The following ZSCAN32 variants were observed in gnomAD, a reference collection of about 807,000 sequenced individuals.
ZSCAN32 encodes the protein zinc finger and SCAN domain containing 32, also known as zinc finger and SCAN domain-containing protein 32.
Under a neutral mutation model 47.4 loss-of-function variants are expected in ZSCAN32, and 52 were observed. The observed-to-expected ratio is 1.10, with a 90% CI of 0.88 to 1.38. The LOEUF (loss-of-function observed/expected upper bound fraction) is 1.38, where lower values mean the gene tolerates loss of function less well. Among genes scored for constraint, ZSCAN32 ranks in the 40% most tolerant of loss-of-function variants. The pLI is 0.00. For synonymous variants in ZSCAN32, 346 were observed against 305.7 expected (o/e 1.13, Z -1.38); for missense variants, 959 against 846.0 (o/e 1.13, Z -1.66).
In ZSCAN32 at chr16:3,383,256, G is replaced by A; in HGVS notation, c.1690C>T (p.Leu564Phe). The change falls in exon 7 of 7, where the codon CTC becomes TTC. Residue 564 changes from leucine (L) to phenylalanine (F), a missense_variant. Coordinates refer to ENST00000396852, the MANE Select transcript of ZSCAN32 (RefSeq NM_001284527.2). ...CGKGFSERSNLTAHLRTHTGE... is the reference protein window; with the variant it reads ...CGKGFSERSNFTAHLRTHTGE... ...GTGTGAGTTCGTAGGTGGGCAGTGAGGTTGGAGCGCTCACTAAAGCCCTTC... is the reference window on the plus strand; with the variant it reads ...GTGTGAGTTCGTAGGTGGGCAGTGAAGTTGGAGCGCTCACTAAAGCCCTTC... 6.2e-7 allele frequency: 1 copy of A among 1,614,170 alleles called. No homozygotes were observed. The highest frequency in any genetic ancestry group is 8.5e-7 in the Non-Finnish European group (1 of 1,179,992).
chr16:3,394,466 CAA>C (rs34681678), intron 2 of ZSCAN32, among the ~76,000 whole-genome samples: 2 of 152,154 alleles, frequency 1.3e-5, no homozygotes, highest in African/African-American at 4.8e-5. Context: ...GTTCTGTCTT[CAA>C]AAGAGACCTC....
chr16:3,384,968 G>C (rs1297820431), intron 5 of ZSCAN32, 27 bp from the exon 6 acceptor site: 8 of 1,595,676 alleles, frequency 5.0e-6, no homozygotes, highest in South Asian at 4.5e-5. Flanking sequence ...AGGTCAATTA[G>C]ATCTGTCAGT....
Position 3,383,176 on chromosome 16 carries a change from G to A in ZSCAN32, c.1770C>T (p.Ser590=). 1 of 1,614,158 alleles carries A rather than the reference G, an allele frequency of 6.2e-7. No individual in the cohort carries two copies. The highest frequency in any genetic ancestry group is 1.3e-5 in the African/African-American group (1 of 75,024). ...GQCGKSFNQS[S]SLIVHQRTHT... ...GGGTCCTCTGGTGGACAATGAGGCT[G>A]GAACTCTGGTTGAAGCTTTTCCCAC... Residue 590 remains serine (S), a synonymous_variant, in exon 7 of 7, where the codon TCC becomes TCT. Transcript: ENST00000396852.
chr16:3,393,927 C>T (rs1035219878), intron 2 of ZSCAN32, 113 bp from the exon 3 acceptor site: 1 of 880,276 alleles, frequency 1.1e-6, no homozygotes, highest in South Asian at 2.4e-5. Flanking sequence ...AGAGAAAAAT[C>T]TAGGAGCCAC....
At chr16:3,392,584 T>C (rs534521436) in intron 3 of ZSCAN32, among the ~76,000 whole-genome samples, 1 of 152,188 alleles carries the variant, frequency 6.6e-6, no homozygotes, top group South Asian at 2.1e-4. Flanking sequence ...TCCCAGCACT[T>C]TGGGAGGCCG....
intron 5 of ZSCAN32, among the ~76,000 whole-genome samples, chr16:3,386,233 A>G (rs1211408073): frequency 7.9e-5 from 12 of 152,190 alleles, no homozygotes; most frequent in Middle Eastern, 3.2e-3. Context: ...AATCAAAACT[A>G]CAATGAGATA....
intron 1 of ZSCAN32, 85 bp from the exon 2 acceptor site, chr16:3,397,829 T>TATTGA: frequency 1.4e-5 from 4 of 281,518 alleles, no homozygotes; most frequent in Admixed American, 5.2e-5. Flanking sequence ...TCCCTTTCCT[T>TATTGA]TACTCCCTCC....
chr16:3,393,232 T>TTATA (rs1555474409), intron 3 of ZSCAN32, among the ~76,000 whole-genome samples: 2 of 8,592 alleles, frequency 2.3e-4, no homozygotes, highest in African/African-American at 1.6e-3. Context: ...ATATATAAAT[T>TTATA]TATATATTTT....
chr16:3,391,308 A>T (rs1419678150), intron 3 of ZSCAN32, among the ~76,000 whole-genome samples: 1 of 152,204 alleles, frequency 6.6e-6, no homozygotes, highest in African/African-American at 2.4e-5. Context: ...AGGTGTTCCC[A>T]AGGATTAAAA....
intron 3 of ZSCAN32, among the ~76,000 whole-genome samples, chr16:3,391,154 G>A (rs1368086237): frequency 3.3e-5 from 5 of 152,084 alleles, no homozygotes; most frequent in Admixed American, 6.5e-5. Context: ...GTGACCCTTC[G>A]GGAGGTGACA....
chr16:3,395,051 G>A (rs2033238045), intron 2 of ZSCAN32, among the ~76,000 whole-genome samples: 1 of 152,190 alleles, frequency 6.6e-6, no homozygotes, highest in Admixed American at 6.5e-5. Context: ...CCCATGGACC[G>A]CGGGCTCCAG....
rs778884561 is a variant in ZSCAN32 at position 3,397,247 on chromosome 16, T to G, written c.311A>C (p.Asn104Thr). ...QTWVREQHPENGEEAVALVED... is the reference protein window; with the variant it reads ...QTWVREQHPETGEEAVALVED... ...AACCAGAGCCACAGCTTCCTCGCCG[T>G]TTTCTGGATGCTGCTCCCTCACCCA... The change falls in exon 2 of 7, where the codon AAC (asparagine) becomes ACC (threonine). Residue 104 changes from asparagine (N) to threonine (T), a missense_variant. By Grantham distance (65) the Asn-to-Thr change is moderately conservative. Coordinates refer to ENST00000396852, the MANE Select transcript of ZSCAN32 (RefSeq NM_001284527.2). The G allele has an allele frequency of 1.2e-5, 18 of 1,563,456 alleles. No individual in the cohort carries two copies. The highest frequency in any genetic ancestry group is 1.9e-5 in the Admixed American group (1 of 52,246).
chr16:3,394,929 C>T (rs1187788086), intron 2 of ZSCAN32, among the ~76,000 whole-genome samples: 1 of 152,226 alleles, frequency 6.6e-6, no homozygotes, highest in East Asian at 1.9e-4. Context: ...AGTCCTGCCT[C>T]ACAGCCTATC....
In ZSCAN32 at chr16:3,397,190, AC is replaced by A; in HGVS notation, c.366+1del. ...CACAAAGTTCCGACTTCCTTTTCTC[AC>A]CTGTTGTCCAGGAGCTCTCTGTACA... On this transcript the variant is annotated splice_donor_variant, in intron 2 of 6. Transcript: ENST00000396852. LOFTEE classifies it high-confidence loss of function. The A allele has an allele frequency of 3.3e-6, 5 of 1,507,124 alleles. No homozygotes were observed. The highest frequency in any genetic ancestry group is 4.4e-6 in the Non-Finnish European group (5 of 1,127,488). 93.4% of individuals were successfully genotyped at this position (1,507,124 alleles called of 1,614,324 possible).
rs759868985 is a variant in ZSCAN32 at position 3,397,541 on chromosome 16, T to G, written c.17A>C (p.Lys6Thr). The G allele has an allele frequency of 2.6e-6, 4 of 1,539,130 alleles. No homozygotes were observed. In the South Asian group the frequency reaches 4.8e-5, roughly 18 times the overall value. Residue 6 changes from lysine (K) to threonine (T), a missense_variant, in exon 2 of 7, where the codon AAG becomes ACG. By Grantham distance (78) the Lys-to-Thr change is moderately conservative. Transcript: ENST00000396852. MMAAV[K>T]STEAHPSSNK... ...TGAGGATGGGTGTGCCTCGGTACTC[T>G]TCACTGCAGCCATCATTTGCTTCAA...
chr16:3,392,997 G>C (rs979366572), intron 3 of ZSCAN32, among the ~76,000 whole-genome samples: 50 of 149,092 alleles, frequency 3.4e-4, no homozygotes, highest in African/African-American at 1.2e-3. Context: ...TGTGCAGAAG[G>C]TGAAGGTAAC....
chr16:3,387,553 C>G (rs765699495), intron 5 of ZSCAN32, among the ~76,000 whole-genome samples: 2 of 152,236 alleles, frequency 1.3e-5, no homozygotes, highest in African/African-American at 2.4e-5. Context: ...TTGACTAGAG[C>G]TGTCCCAGCA....
intron 1 of ZSCAN32, among the ~76,000 whole-genome samples, chr16:3,398,121 T>G (rs999132558): frequency 1.2e-4 from 18 of 152,132 alleles, no homozygotes; most frequent in African/African-American, 3.1e-4. Context: ...GTTAGGAGGA[T>G]GAGAGGGGCC....
In ZSCAN32 at chr16:3,393,715, GA is replaced by G; in HGVS notation, c.465del (p.Gln156SerfsTer160). The G allele has an allele frequency of 2.6e-6, 4 of 1,550,466 alleles. No homozygotes were observed. The highest frequency in any genetic ancestry group is 3.5e-6 in the Non-Finnish European group (4 of 1,146,962). ...CCCTTAAAAGTCGGTTCCTCTGGCTGAACCTCCTGTTTCCATTGGGATCTCA... is the reference window on the plus strand; with the variant it reads ...CCCTTAAAAGTCGGTTCCTCTGGCTGACCTCCTGTTTCCATTGGGATCTCA... ...ESLRSQWKQE[V>X]QPEEPTFKGS... is the part of the protein sequence containing the mutation. On this transcript the variant is annotated frameshift_variant, in exon 3 of 7. Coordinates refer to ENST00000396852, the MANE Select transcript of ZSCAN32 (RefSeq NM_001284527.2). LOFTEE classifies it high-confidence loss of function.
Sources: gnomAD v4.1 joint callset for allele counts (sites outside exome capture counted in the v4.1 genomes callset) on GRCh38, gnomAD v4.1.1 for gene constraint, MANE v1.5 for transcripts, NCBI Gene and HGNC (gene_info 2026-07-23, HGNC 2026-07-21) for gene names.